Variants in PTPRD observed in about 807,000 individuals in gnomAD.
PTPRD encodes protein tyrosine phosphatase receptor type D, also known as receptor-type tyrosine-protein phosphatase delta.
In PTPRD, 34 loss-of-function variants were observed where a neutral mutation model predicts 214.5. The ratio of observed to expected loss-of-function variants is 0.16; its 90% CI spans 0.12 to 0.21. The LOEUF (loss-of-function observed/expected upper bound fraction) is 0.21. Ranked by LOEUF, PTPRD falls within the 10% of genes least tolerant of loss-of-function variation. The probability of loss-of-function intolerance (pLI) is 1.00; values close to 1 mark genes in which losing one functional copy is unlikely to be tolerated. For missense variants in PTPRD, 2,545 were observed against 2,398.7 expected, an observed-to-expected ratio of 1.06 and a Z score of -1.27; for synonymous variants, 1,128 against 845.7, an observed-to-expected ratio of 1.33 and a Z score of -5.79.
intron 5 of PTPRD, among the ~76,000 whole-genome samples, chr9:9,879,232 T>C (rs1474202958): frequency 2.0e-5 from 3 of 152,180 alleles, no homozygotes; most frequent in East Asian, 1.9e-4. Context: ...TCAACCTCCT[T>C]AGTATTAACA....
At chr9:9,364,615 T>C (rs748712516) in intron 9 of PTPRD, among the ~76,000 whole-genome samples, 9 of 151,276 alleles carry the variant, frequency 5.9e-5, no homozygotes, top group African/African-American at 2.2e-4. Context: ...GTGAGGATTA[T>C]AGCTGGAGCA....
intron 9 of PTPRD, among the ~76,000 whole-genome samples, chr9:9,332,630 G>A (rs890617961): frequency 2.0e-5 from 3 of 150,878 alleles, no homozygotes; most frequent in South Asian, 2.1e-4. Context: ...CCAGGATTAC[G>A]TTGTTCAACA....
chr9:9,013,676 T>A (rs889463350), intron 11 of PTPRD, among the ~76,000 whole-genome samples: 17 of 152,096 alleles, frequency 1.1e-4, no homozygotes, highest in Non-Finnish European at 2.1e-4. Flanking sequence ...TTTCATTGCA[T>A]ACAGAAGCAA....
intron 3 of PTPRD, among the ~76,000 whole-genome samples, chr9:10,111,427 A>G (rs1169194722): frequency 1.3e-5 from 2 of 150,586 alleles, no homozygotes; most frequent in Admixed American, 6.6e-5. Context: ...TTTAGTAGAG[A>G]CGGGGTTTCA....
intron 8 of PTPRD, among the ~76,000 whole-genome samples, chr9:9,398,936 T>C (rs1381561700): frequency 1.3e-5 from 2 of 152,054 alleles, no homozygotes; most frequent in African/African-American, 2.4e-5. Flanking sequence ...TAGCCAACTA[T>C]GCTAGATCAG....
chr9:9,710,330 C>T (rs920604292), intron 7 of PTPRD, among the ~76,000 whole-genome samples: 2 of 152,024 alleles, frequency 1.3e-5, no homozygotes, highest in African/African-American at 2.4e-5. Context: ...AAAATTTAGT[C>T]TTAACTTCTT....
At chr9:8,871,455 A>G (rs2098297289) in intron 11 of PTPRD, among the ~76,000 whole-genome samples, 1 of 152,218 alleles carries the variant, frequency 6.6e-6, no homozygotes, top group African/African-American at 2.4e-5. Context: ...TGAAATATTT[A>G]GGAAGGAACA....
rs114112315 is a variant in PTPRD at position 8,491,114 on chromosome 9, T to C, written c.2467+1748A>G. On this transcript the variant is annotated intron_variant, in intron 27 of 45. Coordinates refer to ENST00000381196, the MANE Select transcript of PTPRD (RefSeq NM_002839.4). ...TCTTAAAGGAATTAAATTTGGATTC[T>C]TCTGCCTTCTTCCCAGATGCAGTGG... 9.8e-3 allele frequency among the ~76,000 whole-genome samples: 1,493 copies of C among 152,374 alleles called. 22 individuals carry two copies. The highest frequency in any genetic ancestry group is 0.034 in the African/African-American group (1,420 of 41,586).
At chr9:9,416,941 T>G (rs183242791) in intron 8 of PTPRD, among the ~76,000 whole-genome samples, 1 of 152,180 alleles carries the variant, frequency 6.6e-6, no homozygotes, top group African/African-American at 2.4e-5. Flanking sequence ...TTTCACAATA[T>G]AAATTGTGTC....
chr9:9,200,361 A>G (rs2099941153), intron 9 of PTPRD, among the ~76,000 whole-genome samples: 3 of 152,182 alleles, frequency 2.0e-5, no homozygotes, highest in Admixed American at 2.0e-4. Flanking sequence ...ATCTTCTTAC[A>G]TTTCTACAAA....
At chr9:10,498,688 T>TAGC (rs1460681983) in intron 2 of PTPRD, among the ~76,000 whole-genome samples, 3 of 151,934 alleles carry the variant, frequency 2.0e-5, no homozygotes, top group Non-Finnish European at 2.9e-5. Flanking sequence ...ATATTATAAA[T>TAGC]AGCAATTAAG....
At chr9:8,941,324 T>C (rs73425745) in intron 11 of PTPRD, among the ~76,000 whole-genome samples, 39 of 152,258 alleles carry the variant, frequency 2.6e-4, no homozygotes, top group African/African-American at 8.9e-4. Context: ...TTTCAGGCAG[T>C]TTATCAACAA....
chr9:9,134,735 CT>C (rs2099848236), intron 10 of PTPRD, among the ~76,000 whole-genome samples: 1 of 152,080 alleles, frequency 6.6e-6, no homozygotes, highest in Non-Finnish European at 1.5e-5. Context: ...GTGTGTTTTA[CT>C]TTCTTATTTC....
intron 39 of PTPRD, 58 bp downstream of exon 39, chr9:8,375,878 C>T (rs2083092962): frequency 6.4e-7 from 1 of 1,563,404 alleles, no homozygotes. Flanking sequence ...CAGAAACATC[C>T]AATGAGAGTC....
At chr9:9,528,930 G>C (rs117168071) in intron 8 of PTPRD, among the ~76,000 whole-genome samples, 8,908 of 147,064 alleles carry the variant, frequency 0.061, 397 homozygotes, top group African/African-American at 0.12. Flanking sequence ...TTCTTTCTTT[G>C]TTTGTTTCTT....
chr9:10,170,470 T>A (rs1318747429), intron 3 of PTPRD, among the ~76,000 whole-genome samples: 2 of 152,216 alleles, frequency 1.3e-5, no homozygotes, highest in African/African-American at 4.8e-5. Context: ...GGCAGGCAGA[T>A]CACGAGGTCA....
chr9:9,979,600 G>C (rs2154063581), intron 4 of PTPRD, among the ~76,000 whole-genome samples: 1 of 152,116 alleles, frequency 6.6e-6, no homozygotes, highest in East Asian at 1.9e-4. Flanking sequence ...ATCTCAATTG[G>C]AAGATTCAAA....
chr9:10,035,621 A>T (rs751864867), intron 3 of PTPRD, among the ~76,000 whole-genome samples: 1 of 151,858 alleles, frequency 6.6e-6, no homozygotes, highest in African/African-American at 2.4e-5. Context: ...ATCTAGGTTG[A>T]CGCTTGGTCT....
At chr9:10,340,330 G>A (rs2096915466) in intron 3 of PTPRD, among the ~76,000 whole-genome samples, 1 of 151,906 alleles carries the variant, frequency 6.6e-6, no homozygotes, top group South Asian at 2.1e-4. Flanking sequence ...AATCTTTACA[G>A]CATATACAGG....
Sources: gnomAD v4.1 joint callset for allele counts (sites outside exome capture counted in the v4.1 genomes callset) on GRCh38, gnomAD v4.1.1 for gene constraint, MANE v1.5 for transcripts, NCBI Gene and HGNC (gene_info 2026-07-23, HGNC 2026-07-21) for gene names.